APBB2: variants seen among roughly 807,000 people sequenced by gnomAD.
The protein encoded by APBB2 is Fe65-like 1.
Under a neutral mutation model 82.5 loss-of-function variants are expected in APBB2, and 38 were observed. That is an observed-to-expected ratio of 0.46 (90% CI 0.36 to 0.60). APBB2 has a LOEUF of 0.60. Ranked by LOEUF, APBB2 falls within the 20% of genes least tolerant of loss-of-function variation. The pLI, the probability that APBB2 is intolerant of heterozygous loss-of-function variation, is 0.00. For synonymous variants in APBB2, 341 were observed against 368.2 expected, an observed-to-expected ratio of 0.93 and a Z score of 0.85; for missense variants, 772 against 972.3, an observed-to-expected ratio of 0.79 and a Z score of 2.74.
intron 10 of APBB2, among the ~76,000 whole-genome samples, chr4:40,924,457 C>G (rs1782108315): frequency 6.6e-6 from 1 of 152,224 alleles, no homozygotes; most frequent in African/African-American, 2.4e-5. Context: ...CTCTGAACAA[C>G]AGAATACGGT....
At chr4:40,919,215 T>A (rs1368695380) in intron 10 of APBB2, among the ~76,000 whole-genome samples, 1 of 152,160 alleles carries the variant, frequency 6.6e-6, no homozygotes, top group Non-Finnish European at 1.5e-5. Context: ...AAGTAAAAAA[T>A]CTACACAGGC....
intron 12 of APBB2, among the ~76,000 whole-genome samples, chr4:40,863,353 A>C (rs549287911): frequency 6.6e-6 from 1 of 152,332 alleles, no homozygotes. Context: ...AGGTAGATCA[A>C]TGCCTTTCAA....
intron 6 of APBB2, among the ~76,000 whole-genome samples, chr4:41,007,330 T>A (rs10002953): frequency 6.6e-6 from 1 of 151,892 alleles, no homozygotes; most frequent in Non-Finnish European, 1.5e-5. Context: ...GCTGGTGTTA[T>A]GCTCTTGGAC....
chr4:41,170,395 T>C (rs185089621), intron 1 of APBB2, among the ~76,000 whole-genome samples: 1 of 152,268 alleles, frequency 6.6e-6, no homozygotes, highest in East Asian at 1.9e-4. Context: ...TTCACATCCA[T>C]TTGGAAGGAA....
chr4:41,130,739 C>T (rs561318326), intron 2 of APBB2, among the ~76,000 whole-genome samples: 39 of 152,192 alleles, frequency 2.6e-4, no homozygotes, highest in African/African-American at 7.9e-4. Flanking sequence ...GAGTGCCTAC[C>T]GATGCCCCAA....
rs555334120 is a variant in APBB2 at position 41,048,666 on chromosome 4, C to G, written c.-50-15362G>C. 2.4e-3 allele frequency among the ~76,000 whole-genome samples: 356 copies of G among 148,858 alleles called. 2 individuals carry two copies. The highest frequency in any genetic ancestry group is 8.4e-3 in the African/African-American group (336 of 39,990). ...CTCCCCCTCCCCCTCCCTCTCCCTCCCGTCTCCCCTACGGTCTCCCTCTCC... is the reference window on the plus strand; with the variant it reads ...CTCCCCCTCCCCCTCCCTCTCCCTCGCGTCTCCCCTACGGTCTCCCTCTCC... On this transcript the variant is annotated intron_variant, in intron 4 of 17. Coordinates refer to ENST00000508593, the MANE Select transcript of APBB2 (RefSeq NM_004307.2).
chr4:40,984,834 C>T (rs758039944), intron 6 of APBB2, among the ~76,000 whole-genome samples: 2 of 152,048 alleles, frequency 1.3e-5, no homozygotes, highest in Non-Finnish European at 2.9e-5. Flanking sequence ...TTTAAAAATA[C>T]GTGGTACTAG....
chr4:41,124,814 A>C (rs1753921530), intron 2 of APBB2, among the ~76,000 whole-genome samples: 1 of 152,212 alleles, frequency 6.6e-6, no homozygotes, highest in South Asian at 2.1e-4. Context: ...GATTTTGGTC[A>C]TCTTGTCACA....
In APBB2 at chr4:40,811,546, A is replaced by AAAG. The variant is rs1491512571; in HGVS notation, c.*4545_*4546insCTT. The stretch of plus-strand genomic sequence containing the variant: ...CAGAGTAAGACTCCTCTGTCTGAAG[A>AAAG]AAAAAAAAAAAAGCAATATGAGGGA... On this transcript the variant is annotated 3_prime_UTR_variant, in exon 18 of 18. Transcript: ENST00000508593. The AAAG allele has an allele frequency of 1.2e-4, 2 of 16,106 alleles. No individual in the cohort carries two copies. Among genetic ancestry groups the AAAG allele is most frequent in the African/African-American group, 6.6e-4 (2 of 3,022 alleles). 1.0% of individuals were successfully genotyped at this position (16,106 alleles called of 1,614,324 possible).
intron 12 of APBB2, among the ~76,000 whole-genome samples, chr4:40,884,260 T>C (rs951639793): frequency 6.6e-6 from 1 of 152,182 alleles, no homozygotes; most frequent in Admixed American, 6.5e-5. Context: ...TCCTAACCTC[T>C]AAAATAAAGA....
chr4:40,939,026 C>T (rs1786129318), intron 7 of APBB2, among the ~76,000 whole-genome samples: 1 of 152,140 alleles, frequency 6.6e-6, no homozygotes, highest in African/African-American at 2.4e-5. Context: ...GCTCAGCTCT[C>T]TCACCATGTC....
At chr4:41,194,630 C>T in intron 1 of APBB2, among the ~76,000 whole-genome samples, 1 of 152,122 alleles carries the variant, frequency 6.6e-6, no homozygotes, top group Non-Finnish European at 1.5e-5. Flanking sequence ...TGTCACCGCA[C>T]TCTAGCCTTG....
rs1774983935 is a variant in APBB2, at chr4:40,900,497, C to T, written c.1255-7086G>A. Reference sequence around the variant, plus strand: ...TTAAGATGGAGTCTCACTCTGCTGCCCAGGCTGGAGTGCAGTGGCACTGTC... The same window carrying T: ...TTAAGATGGAGTCTCACTCTGCTGCTCAGGCTGGAGTGCAGTGGCACTGTC... On this transcript the variant is annotated intron_variant, in intron 10 of 17. Coordinates refer to ENST00000508593, the MANE Select transcript of APBB2 (RefSeq NM_004307.2). Among the ~76,000 whole-genome samples the T allele has an allele frequency of 2.7e-5, 4 of 150,710 alleles. 1 individual carries two copies. In the South Asian group the frequency reaches 8.4e-4, roughly 32 times the overall value.
At chr4:40,875,284 C>G (rs539717011) in intron 12 of APBB2, among the ~76,000 whole-genome samples, 2 of 152,212 alleles carry the variant, frequency 1.3e-5, no homozygotes, top group East Asian at 1.9e-4. Flanking sequence ...AAAAATTAAC[C>G]AACACTTGGA....
chr4:41,190,001 A>G (rs551247957), intron 1 of APBB2, among the ~76,000 whole-genome samples: 1 of 152,332 alleles, frequency 6.6e-6, no homozygotes, highest in East Asian at 1.9e-4. Flanking sequence ...GAAGTCCCTT[A>G]AAAATTCATG....
At chr4:41,056,012 G>A (rs1727713248) in intron 4 of APBB2, among the ~76,000 whole-genome samples, 2 of 152,074 alleles carry the variant, frequency 1.3e-5, no homozygotes, top group South Asian at 4.2e-4. Context: ...GGCCAATGTG[G>A]TGAAACCCTG....
At chr4:41,123,462 A>G (rs991178876) in intron 2 of APBB2, among the ~76,000 whole-genome samples, 4 of 152,174 alleles carry the variant, frequency 2.6e-5, no homozygotes, top group African/African-American at 9.7e-5. Flanking sequence ...ATAACCTGCC[A>G]TCCAACATGA....
intron 12 of APBB2, among the ~76,000 whole-genome samples, chr4:40,858,233 G>A (rs925955629): frequency 6.6e-6 from 1 of 152,066 alleles, no homozygotes; most frequent in African/African-American, 2.4e-5. Flanking sequence ...AGTTGGAAAG[G>A]AAAATCCAAG....
intron 6 of APBB2, among the ~76,000 whole-genome samples, chr4:40,970,215 C>G (rs1795603182): frequency 6.6e-6 from 1 of 152,140 alleles, no homozygotes; most frequent in Non-Finnish European, 1.5e-5. Context: ...GACATCTTGG[C>G]ATGACTATAT....
Sources: allele counts gnomAD v4.1 joint callset (sites outside exome capture counted in the v4.1 genomes callset), GRCh38; gene constraint gnomAD v4.1.1; transcripts MANE v1.5; gene names NCBI Gene and HGNC (gene_info 2026-07-23, HGNC 2026-07-21).